Variants in CSTPP1 observed in about 807,000 individuals in gnomAD.
The protein encoded by CSTPP1 is UPF0705 protein C11orf49.
chr11:46,948,393 T>C, the CSTPP1 span, among the ~76,000 whole-genome samples: 1 of 152,184 alleles, frequency 6.6e-6, no homozygotes, highest in Non-Finnish European at 1.5e-5. Flanking sequence ...ATGGAAGGAA[T>C]TGCCTTTCAG....
chr11:47,060,673 T>C, the CSTPP1 span, among the ~76,000 whole-genome samples: 1 of 152,076 alleles, frequency 6.6e-6, no homozygotes, highest in Non-Finnish European at 1.5e-5. Context: ...GGGTGAGGGA[T>C]AAAGGACTAC....
chr11:47,038,113 C>G, the CSTPP1 span, among the ~76,000 whole-genome samples: 1 of 53,736 alleles, frequency 1.9e-5, no homozygotes, highest in Non-Finnish European at 5.2e-5. Flanking sequence ...CTGACCCCCC[C>G]ACCTCCCTCC....
the CSTPP1 span, among the ~76,000 whole-genome samples, chr11:47,156,314 C>A: frequency 2.0e-5 from 3 of 152,220 alleles, no homozygotes; most frequent in Admixed American, 1.3e-4. Context: ...TCTCACAGCA[C>A]CCCCAGAGGG....
the CSTPP1 span, among the ~76,000 whole-genome samples, chr11:47,032,725 C>G: frequency 1.3e-5 from 2 of 151,918 alleles, no homozygotes; most frequent in Admixed American, 1.3e-4. Context: ...GTGAATTGGA[C>G]AAAAGGATAT....
At chr11:47,038,399 C>T in the CSTPP1 span, among the ~76,000 whole-genome samples, 3 of 88,600 alleles carry the variant, frequency 3.4e-5, 1 homozygote, top group Non-Finnish European at 8.4e-5. Flanking sequence ...CCAGTAGGGG[C>T]GGCCGGGCAG....
the CSTPP1 span, among the ~76,000 whole-genome samples, chr11:47,056,912 T>G: frequency 1.3e-5 from 2 of 152,204 alleles, no homozygotes; most frequent in Non-Finnish European, 2.9e-5. Flanking sequence ...GTGCATACTT[T>G]AGCATTATCA....
At chr11:47,114,835 CT>C in the CSTPP1 span, among the ~76,000 whole-genome samples, 1 of 152,164 alleles carries the variant, frequency 6.6e-6, no homozygotes, top group Non-Finnish European at 1.5e-5. Context: ...TTTCTCTTGC[CT>C]GATTGCCCTG....
the CSTPP1 span, among the ~76,000 whole-genome samples, chr11:47,005,363 A>G: frequency 6.6e-6 from 1 of 152,228 alleles, no homozygotes; most frequent in Non-Finnish European, 1.5e-5. Context: ...TATTAATAGG[A>G]ATATAAGATA....
the CSTPP1 span, among the ~76,000 whole-genome samples, chr11:47,092,682 C>T: frequency 2.0e-5 from 3 of 152,188 alleles, no homozygotes; most frequent in Non-Finnish European, 4.4e-5. Context: ...TATAACATCA[C>T]CTAACATCCA....
chr11:47,054,075 C>T, the CSTPP1 span, among the ~76,000 whole-genome samples: 1 of 150,610 alleles, frequency 6.6e-6, no homozygotes, highest in Admixed American at 6.6e-5. Context: ...TTTGGGAGGC[C>T]GAGGCGGGCA....
chr11:46,941,950 A>G, the CSTPP1 span, among the ~76,000 whole-genome samples: 1 of 152,206 alleles, frequency 6.6e-6, no homozygotes, highest in Admixed American at 6.5e-5. Context: ...TATCCAAAGA[A>G]TATCTAGAGA....
the CSTPP1 span, chr11:47,052,701 T>G: frequency 1.4e-6 from 1 of 735,270 alleles, no homozygotes; most frequent in Non-Finnish European, 2.1e-6. Flanking sequence ...TACCTCACTT[T>G]TGAGGAGTTG....
the CSTPP1 span, among the ~76,000 whole-genome samples, chr11:47,034,356 A>G: frequency 6.6e-6 from 1 of 152,102 alleles, no homozygotes; most frequent in Non-Finnish European, 1.5e-5. Context: ...AAAATAGTAG[A>G]GTTAGCCCAT....
chr11:47,028,342 C>A, the CSTPP1 span, among the ~76,000 whole-genome samples: 1 of 152,182 alleles, frequency 6.6e-6, no homozygotes, highest in Admixed American at 6.5e-5. Context: ...CCGAATACAT[C>A]ATATGTTAAA....
At chr11:47,136,740 T>G in the CSTPP1 span, among the ~76,000 whole-genome samples, 1 of 152,254 alleles carries the variant, frequency 6.6e-6, no homozygotes, top group East Asian at 1.9e-4. Flanking sequence ...TAGGCAGGCT[T>G]CCGGGTGGAT....
At chr11:47,137,682 A>G in the CSTPP1 span, 2 of 1,614,168 alleles carry the variant, frequency 1.2e-6, no homozygotes, top group East Asian at 2.2e-5. Context: ...GTTTGCTGCA[A>G]TTACTGTGTC....
the CSTPP1 span, among the ~76,000 whole-genome samples, chr11:47,050,485 C>T: frequency 1.9e-3 from 283 of 152,158 alleles, no homozygotes; most frequent in African/African-American, 6.5e-3. Flanking sequence ...AAGTGAGATA[C>T]GATGGAAATT....
chr11:46,993,076 A>T, the CSTPP1 span, among the ~76,000 whole-genome samples: 1 of 151,958 alleles, frequency 6.6e-6, no homozygotes, highest in Non-Finnish European at 1.5e-5. Flanking sequence ...CCACTTTTTG[A>T]TGGGGTTGTT....
At chr11:47,024,053 CT>C in the CSTPP1 span, among the ~76,000 whole-genome samples, 141 of 145,024 alleles carry the variant, frequency 9.7e-4, no homozygotes, top group South Asian at 7.9e-3. Context: ...TATTGTGTTC[CT>C]TTTTTTTTTT....
Sources: gnomAD v4.1 joint callset for allele counts (sites outside exome capture counted in the v4.1 genomes callset) on GRCh38, gnomAD v4.1.1 for gene constraint, MANE v1.5 for transcripts, NCBI Gene and HGNC (gene_info 2026-07-23, HGNC 2026-07-21) for gene names.